The following DOCK6 variants were observed in gnomAD, a reference collection of about 807,000 sequenced individuals.
DOCK6 encodes the protein dedicator of cytokinesis protein 6.
A neutral mutation model predicts 230.3 loss-of-function variants in DOCK6; 167 were observed. The ratio of observed to expected loss-of-function variants is 0.73; its 90% CI spans 0.64 to 0.82. The LOEUF (loss-of-function observed/expected upper bound fraction) is 0.82, where lower values mean the gene tolerates loss of function less well. Among genes scored for constraint, DOCK6 ranks in the 40% least tolerant of loss-of-function variants. The pLI is 0.00. For missense variants in DOCK6, 2,598 were observed against 2,825.8 expected (o/e 0.92, Z 1.83); for synonymous variants, 1,148 against 1,185.0 (o/e 0.97, Z 0.64).
Position 11,243,873 on chromosome 19 carries a change from C to A in DOCK6, c.1033G>T (p.Val345Leu). Residue 345 changes from valine (V) to leucine (L), a missense_variant, in exon 10 of 48, where the codon GTG (valine) becomes TTG (leucine). Transcript: ENST00000294618. This position sits in a 1 kb window ranked among gnomAD's most constrained non-coding sequence, Gnocchi z 6.3. ...DIFLVIKLEK[V>L]LQQGDISECC... ...TCACTGATGTCCCCTTGCTGAAGCA[C>A]CTTCTCCAACTGCGGGGCAGATGAA... The A allele has an allele frequency of 2.5e-6, 4 of 1,610,450 alleles. No individual in the cohort carries two copies. Among genetic ancestry groups the A allele is most frequent in the Non-Finnish European group, 3.4e-6 (4 of 1,178,474 alleles).
chr19:11,214,477 G>A (rs1488360875), intron 33 of DOCK6, 68 bp from the exon 34 acceptor site: 4 of 1,612,604 alleles, frequency 2.5e-6, no homozygotes, highest in Non-Finnish European at 3.4e-6. Flanking sequence ...GGGAAGGAGA[G>A]GGATTATGGA....
chr19:11,257,562 G>A (rs1310616570), intron 1 of DOCK6, among the ~76,000 whole-genome samples: 1 of 151,800 alleles, frequency 6.6e-6, no homozygotes, highest in Non-Finnish European at 1.5e-5. Flanking sequence ...GCCGAGGCGG[G>A]CAGATCATCT....
At position 11,221,894 on chromosome 19, in the gene DOCK6, T is replaced by C. The variant is rs3810307; in HGVS notation, c.3507A>G (p.Leu1169=). ...GTGGCAAGGTATCCCGTGCAATCGATAGCAGTGGCAGGTACAGCTCGGCCA... is the reference window on the plus strand; with the variant it reads ...GTGGCAAGGTATCCCGTGCAATCGACAGCAGTGGCAGGTACAGCTCGGCCA... ...ARVAELYLPL[L]SIARDTLPRL... is the part of the protein sequence containing the mutation. The change falls in exon 28 of 48, where the codon CTA becomes CTG. Residue 1169 remains leucine (L), a synonymous_variant. Transcript: ENST00000294618. 2 of 1,613,616 alleles carry C rather than the reference T, an allele frequency of 1.2e-6. No individual in the cohort carries two copies. Among genetic ancestry groups the C allele is most frequent in the Non-Finnish European group, 1.7e-6 (2 of 1,179,868 alleles).
Position 11,252,838 on chromosome 19 carries a change from G to C in DOCK6, c.253C>G (p.Leu85Val). ...CGGCATTCCCGGGGCTGCAGCAGCA[G>C]CTCCAAGTCATCAGCTGGGAATTCT... ...LVEFPADDLE[L>V]LLQPRECRTT... Residue 85 changes from leucine to valine, a missense_variant, in exon 3 of 48, where the codon CTG (leucine) becomes GTG (valine). Leu to Val is a conservative substitution (Grantham distance 32). Transcript: ENST00000294618. 1 of 1,613,788 alleles carries C rather than the reference G, an allele frequency of 6.2e-7. No homozygotes were observed. The highest frequency in any genetic ancestry group is 8.5e-7 in the Non-Finnish European group (1 of 1,179,832).
intron 22 of DOCK6, 72 bp from the exon 23 acceptor site, chr19:11,229,107 G>A: frequency 6.8e-7 from 1 of 1,471,554 alleles, no homozygotes; most frequent in Non-Finnish European, 9.3e-7. Flanking sequence ...AGACATGCCA[G>A]GGGAAGATGC....
chr19:11,216,996 C>G lies in DOCK6; in HGVS notation c.3812G>C (p.Arg1271Pro). ...LKNTEPALLQ[R>P]WATDLTLPQL... ...GGGGAGTGTCAGGTCAGTGGCCCAG[C>G]GCTGCAGGAGCGCCGGCTCGGTGTT... Residue 1271 changes from arginine to proline, a missense_variant, in exon 30 of 48, where the codon CGC becomes CCC. Arg to Pro is a moderately radical substitution (Grantham distance 103). Transcript: ENST00000294618. The G allele has an allele frequency of 6.2e-7, 1 of 1,613,662 alleles. No individual in the cohort carries two copies. The highest frequency in any genetic ancestry group is 8.5e-7 in the Non-Finnish European group (1 of 1,179,892).
chr19:11,245,765 C>G (rs751822726), intron 8 of DOCK6, 47 bp downstream of exon 8: 3 of 1,603,650 alleles, frequency 1.9e-6, no homozygotes, highest in African/African-American at 1.3e-5. Flanking sequence ...CCACAGCCCC[C>G]CAACAAGGAG....
At chr19:11,241,653 T>C in intron 14 of DOCK6, 3 of 1,575,506 alleles carry the variant, frequency 1.9e-6, no homozygotes, top group Non-Finnish European at 1.7e-6. Context: ...CACATCTCCC[T>C]CCCCAGACTC....
In DOCK6 at chr19:11,237,962, G is replaced by A. The variant is rs1047339524; in HGVS notation, c.1832+83C>T. On this transcript the variant is annotated intron_variant, in intron 16 of 47. Transcript: ENST00000294618. Reference sequence around the variant, plus strand: ...TCTTCCTGTCCCCCATCTTCCCATCGATGCTGCCTTATGTGTATATATAAG... The same window carrying A: ...TCTTCCTGTCCCCCATCTTCCCATCAATGCTGCCTTATGTGTATATATAAG... 1.6e-5 allele frequency: 24 copies of A among 1,501,918 alleles called. No homozygotes were observed. In the South Asian group the frequency reaches 1.7e-4, roughly 11 times the overall value. The allele number at this position is 1,501,918 out of a possible 1,614,324, so 93.0% of individuals were successfully genotyped here.
chr19:11,239,742 G>T (rs2079910807), intron 14 of DOCK6: 1 of 1,612,984 alleles, frequency 6.2e-7, no homozygotes, highest in Admixed American at 1.7e-5. Context: ...ATGAGGAGCT[G>T]ACCCTGCTCT....
intron 22 of DOCK6, among the ~76,000 whole-genome samples, chr19:11,231,738 A>C (rs1315713231): frequency 6.6e-6 from 1 of 152,148 alleles, no homozygotes; most frequent in African/African-American, 2.4e-5. Context: ...GTCTGTTTGG[A>C]GGCAAAGCGT....
At position 11,212,280 on chromosome 19, in the gene DOCK6, C is replaced by T. The variant is rs532153981; in HGVS notation, c.4492-129G>A. The T allele has an allele frequency of 2.5e-4, 270 of 1,100,138 alleles. 2 individuals carry two copies. The highest frequency in any genetic ancestry group is 6.9e-4 in the Admixed American group (27 of 38,938). The allele number at this position is 1,100,138 out of a possible 1,614,324, so 68.1% of individuals were successfully genotyped here. Reference sequence around the variant, plus strand: ...TTTTGAGATGGGGGTCTCACTCTGTCGCCCAGGCTGGAGTGCAGTGGCATG... The same window carrying T: ...TTTTGAGATGGGGGTCTCACTCTGTTGCCCAGGCTGGAGTGCAGTGGCATG... On this transcript the variant is annotated intron_variant, in intron 35 of 47. Transcript: ENST00000294618.
chr19:11,259,910 G>A (rs781759841), intron 1 of DOCK6, among the ~76,000 whole-genome samples: 67 of 75,184 alleles, frequency 8.9e-4, no homozygotes, highest in Non-Finnish European at 1.4e-3. Flanking sequence ...TTGAGACAGA[G>A]TCTTACTCTG....
intron 37 of DOCK6, among the ~76,000 whole-genome samples, chr19:11,211,019 G>A (rs565127657): frequency 6.6e-6 from 1 of 150,920 alleles, no homozygotes; most frequent in Non-Finnish European, 1.5e-5. Context: ...CCCTTTTCCT[G>A]TCTTCCCACT....
intron 1 of DOCK6, among the ~76,000 whole-genome samples, chr19:11,256,868 G>A (rs2080205686): frequency 6.6e-6 from 1 of 151,312 alleles, no homozygotes; most frequent in African/African-American, 2.4e-5. Flanking sequence ...TAGTAGAGAT[G>A]GGGTTTCATC....
At chr19:11,240,752 T>G (rs1233343926) in intron 14 of DOCK6, among the ~76,000 whole-genome samples, 2 of 151,836 alleles carry the variant, frequency 1.3e-5, no homozygotes, top group African/African-American at 4.8e-5. Context: ...TATTTTTTAG[T>G]AGAGATGGGA....
At chr19:11,251,198 G>A (rs2080112995) in intron 5 of DOCK6, 112 bp from the exon 6 acceptor site, 1 of 1,123,950 alleles carries the variant, frequency 8.9e-7, no homozygotes, top group Non-Finnish European at 1.3e-6. Context: ...AGGGTCAGGG[G>A]GTGAGGGTCA....
rs199653227 is a variant in DOCK6 at position 11,206,832 on chromosome 19, TG to T, written c.5088+1853del. ...GTGGGAAAATAGCTGGGATTTGTGG[TG>T]GTTTTTTTTTTTTTGTTTTTTGTTT... On this transcript the variant is annotated intron_variant, in intron 39 of 47. Coordinates refer to ENST00000294618, the MANE Select transcript of DOCK6 (RefSeq NM_020812.4). Among the ~76,000 whole-genome samples, 471 of 84,424 alleles carry T rather than the reference TG, an allele frequency of 5.6e-3. 4 individuals carry two copies. Among genetic ancestry groups the T allele is most frequent in the African/African-American group, 0.027 (452 of 16,866 alleles). The allele number at this position is 84,424 out of a possible 152,430, so 55.4% of individuals were successfully genotyped here.
At chr19:11,262,336 C>G in intron 1 of DOCK6, 61 bp downstream of exon 1, 2 of 1,139,578 alleles carry the variant, frequency 1.8e-6, no homozygotes, top group Non-Finnish European at 2.2e-6. Context: ...AGGGTCGCAC[C>G]GCCCCGGGGC....
Sources: gnomAD v4.1 joint callset for allele counts (sites outside exome capture counted in the v4.1 genomes callset) on GRCh38, gnomAD v4.1.1 for gene constraint, Gnocchi (gnomAD v3.1) non-coding constraint, MANE v1.5 for transcripts, NCBI Gene and HGNC (gene_info 2026-07-23, HGNC 2026-07-21) for gene names.